Variants in TP63 observed in about 807,000 individuals in gnomAD.
TP63 encodes tumor protein 63.
A neutral mutation model predicts 82.8 loss-of-function variants in TP63; 17 were observed. That is an observed-to-expected ratio of 0.21 (90% CI 0.14 to 0.31). The LOEUF (loss-of-function observed/expected upper bound fraction) is 0.31, where lower values mean the gene tolerates loss of function less well. Among genes scored for constraint, TP63 ranks in the 10% least tolerant of loss-of-function variants. The probability of loss-of-function intolerance (pLI) is 1.00; values close to 1 mark genes in which losing one functional copy is unlikely to be tolerated. For synonymous variants in TP63, 330 were observed against 321.7 expected (o/e 1.03, Z -0.28); for missense variants, 648 against 895.3 (o/e 0.72, Z 3.52).
intron 1 of TP63, among the ~76,000 whole-genome samples, chr3:189,655,038 G>T (rs1265881345): frequency 2.0e-5 from 3 of 152,158 alleles, no homozygotes; most frequent in Non-Finnish European, 4.4e-5. Flanking sequence ...TCATCGGTTA[G>T]AAAGAAACGC....
intron 3 of TP63, chr3:189,789,732 G>T: frequency 1.4e-6 from 2 of 1,448,584 alleles, no homozygotes; most frequent in Non-Finnish European, 1.9e-6. Context: ...AGGGTCTCGG[G>T]GTGGGGGGGT....
the TP63 span, among the ~76,000 whole-genome samples, chr3:189,614,987 T>G: frequency 6.6e-6 from 1 of 152,246 alleles, no homozygotes; most frequent in East Asian, 1.9e-4. Flanking sequence ...GGACTGTTAT[T>G]AATCCACAGG....
At chr3:189,665,005 A>T (rs1560094671) in intron 1 of TP63, among the ~76,000 whole-genome samples, 1 of 152,188 alleles carries the variant, frequency 6.6e-6, no homozygotes, top group Non-Finnish European at 1.5e-5. Context: ...AACTGTATAG[A>T]CTTATAACTA....
chr3:189,596,748 C>T, the TP63 span, among the ~76,000 whole-genome samples: 117 of 152,324 alleles, frequency 7.7e-4, no homozygotes, highest in African/African-American at 2.6e-3. Context: ...CCAGCAGTGG[C>T]AACCCGCTGG....
At chr3:189,667,749 G>A (rs1308152952) in intron 1 of TP63, among the ~76,000 whole-genome samples, 1 of 152,114 alleles carries the variant, frequency 6.6e-6, no homozygotes, top group East Asian at 1.9e-4. Context: ...GTATTCAACT[G>A]AGACATCAAG....
intron 4 of TP63, among the ~76,000 whole-genome samples, chr3:189,863,120 C>G (rs201847070): frequency 1.2e-4 from 19 of 152,136 alleles, no homozygotes; most frequent in Admixed American, 8.5e-4. Flanking sequence ...ATGGCTCTGC[C>G]CCCCCACCAT....
At chr3:189,798,689 T>C (rs1230438932) in intron 3 of TP63, among the ~76,000 whole-genome samples, 1 of 152,122 alleles carries the variant, frequency 6.6e-6, no homozygotes, top group Non-Finnish European at 1.5e-5. Flanking sequence ...TTTAATTCTC[T>C]ATAGTGTTAT....
At chr3:189,652,230 A>G (rs1712956152) in intron 1 of TP63, among the ~76,000 whole-genome samples, 1 of 146,864 alleles carries the variant, frequency 6.8e-6, no homozygotes, top group Non-Finnish European at 1.5e-5. Flanking sequence ...GGGGGGCTGT[A>G]CCCTGCAAAG....
chr3:189,867,808 C>G (rs374724583), intron 6 of TP63, 25 bp from the exon 7 acceptor site: 1 of 1,599,550 alleles, frequency 6.3e-7, no homozygotes, highest in Non-Finnish European at 8.6e-7. Context: ...CTTGTTAACA[C>G]AGATTATTTA....
In TP63 at chr3:189,895,966, G is replaced by T. The variant is rs571277874; in HGVS notation, c.*1464G>T. ...TAGGGACTACCCATAGACATGAAAG[G>T]TCCCCACAGAGCAAGAGATAAGTCT... On this transcript the variant is annotated 3_prime_UTR_variant, in exon 14 of 14. Transcript: ENST00000264731. 29 of 229,550 alleles carry T rather than the reference G, an allele frequency of 1.3e-4. No homozygotes were observed. The South Asian group carries it at 4.9e-3, about 39-fold the overall frequency. 14.2% of individuals were successfully genotyped at this position (229,550 alleles called of 1,614,324 possible).
intron 13 of TP63, 32 bp from the exon 14 acceptor site, chr3:189,894,174 C>A (rs2108872618): frequency 6.2e-7 from 1 of 1,613,958 alleles, no homozygotes; most frequent in African/African-American, 1.3e-5. Flanking sequence ...TCCCTGTTTT[C>A]ATTCTCCATG....
chr3:189,886,457 C>T lies in TP63; in HGVS notation c.1413C>T (p.Ser471=), dbSNP rs139407263. ...CCCCACCTCTGAACAAAATGAACAG[C>T]ATGAACAAGCTGCCTTCTGTGAGCC... ...NSSPPLNKMN[S]MNKLPSVSQL... Residue 471 remains serine, a synonymous_variant, in exon 11 of 14, where the codon AGC becomes AGT. Coordinates refer to ENST00000264731, the MANE Select transcript of TP63 (RefSeq NM_003722.5). The T allele has an allele frequency of 1.5e-5, 24 of 1,614,130 alleles. No homozygotes were observed. The highest frequency in any genetic ancestry group is 5.0e-5 in the Admixed American group (3 of 60,014).
At chr3:189,808,564 G>A (rs369454398) in intron 4 of TP63, 38 bp downstream of exon 4, 17 of 1,610,476 alleles carry the variant, frequency 1.1e-5, no homozygotes, top group Non-Finnish European at 1.4e-5. Flanking sequence ...GACCCCCCAA[G>A]TCCAAGGATG....
rs181274348 is a variant in TP63 at position 189,704,044 on chromosome 3, T to C, written c.63-33696T>C. 2.0e-5 allele frequency among the ~76,000 whole-genome samples: 3 copies of C among 152,358 alleles called. No individual in the cohort carries two copies. In the East Asian group the frequency reaches 5.8e-4, roughly 29 times the overall value. On this transcript the variant is annotated intron_variant, in intron 1 of 13. Coordinates refer to ENST00000264731, the MANE Select transcript of TP63 (RefSeq NM_003722.5). ...GTTCCCTGTCCCAGAGAACATTTCT[T>C]TGGGTTCACATTTGGACAACTAGGC... is the stretch of plus-strand genomic sequence containing the variant.
intron 1 of TP63, among the ~76,000 whole-genome samples, chr3:189,666,619 G>A (rs1464487604): frequency 1.3e-5 from 2 of 152,006 alleles, no homozygotes; most frequent in African/African-American, 4.8e-5. Flanking sequence ...TTTAGAATAG[G>A]TAAACAGTAA....
intron 10 of TP63, among the ~76,000 whole-genome samples, chr3:189,873,880 T>C (rs1310468949): frequency 6.6e-6 from 1 of 152,210 alleles, no homozygotes; most frequent in African/African-American, 2.4e-5. Context: ...GTAAAATATA[T>C]ACATTATGAG....
Position 189,864,240 on chromosome 3 carries a change from T to C in TP63, c.588T>C (p.Thr196=). ...GCCCCAACTCTAAGCAGTATTCCAC[T>C]GAACTGAAGAAACTCTACTGCCAAA... ...TAKSATWTYS[T]ELKKLYCQIA... Residue 196 remains threonine, a synonymous_variant, in exon 5 of 14, where the codon ACT becomes ACC. Coordinates refer to ENST00000264731, the MANE Select transcript of TP63 (RefSeq NM_003722.5). 6.2e-7 allele frequency: 1 copy of C among 1,614,156 alleles called. No individual in the cohort carries two copies. The highest frequency in any genetic ancestry group is 1.1e-5 in the South Asian group (1 of 91,082).
intron 1 of TP63, among the ~76,000 whole-genome samples, chr3:189,703,992 T>C (rs990619822): frequency 1.3e-5 from 2 of 152,222 alleles, no homozygotes; most frequent in African/African-American, 4.8e-5. Flanking sequence ...TCACTTACAC[T>C]TCAGTGTGAA....
intron 4 of TP63, among the ~76,000 whole-genome samples, chr3:189,828,639 G>A (rs1577050870): frequency 6.6e-6 from 1 of 152,306 alleles, no homozygotes; most frequent in East Asian, 1.9e-4. Context: ...CACTAGAAAT[G>A]TTTGGGTAAA....
Sources: allele counts gnomAD v4.1 joint callset (sites outside exome capture counted in the v4.1 genomes callset), GRCh38; gene constraint gnomAD v4.1.1; transcripts MANE v1.5; gene names NCBI Gene and HGNC (gene_info 2026-07-23, HGNC 2026-07-21).